The following ZDHHC17 variants were observed in gnomAD, a reference collection of about 807,000 sequenced individuals.
The protein encoded by ZDHHC17 is zDHHC palmitoyltransferase 17.
Under a neutral mutation model 90.3 loss-of-function variants are expected in ZDHHC17, and 40 were observed. The observed-to-expected ratio is 0.44, with a 90% CI of 0.34 to 0.58. The LOEUF is 0.58. Ranked by LOEUF, ZDHHC17 falls within the 20% of genes least tolerant of loss-of-function variation. ZDHHC17 has a pLI of 0.01. For missense variants in ZDHHC17, 614 were observed against 780.8 expected (o/e 0.79, Z 2.55); for synonymous variants, 235 against 252.4 (o/e 0.93, Z 0.65).
intron 8 of ZDHHC17, 95 bp from the exon 9 acceptor site, chr12:76,826,813 A>G (rs1451100363): frequency 1.2e-5 from 15 of 1,280,152 alleles, no homozygotes; most frequent in Non-Finnish European, 1.6e-5. Context: ...AATGAATTTC[A>G]CCCGCTGTTG....
rs1953081369 is a variant in ZDHHC17, at chr12:76,815,853, T to C, written c.609-4T>C. On this transcript the variant is annotated splice_polypyrimidine_tract_variant and splice_region_variant and intron_variant, in intron 6 of 16. Transcript: ENST00000426126. ...TGTTTGTTTTTTTTTTTTTTCCTTT[T>C]CAGTGTGGATCCAACTAGATTGCTT... 6.7e-7 allele frequency: 1 copy of C among 1,491,094 alleles called. No homozygotes were observed. Among genetic ancestry groups the C allele is most frequent in the African/African-American group, 1.4e-5 (1 of 69,856 alleles). 92.4% of individuals were successfully genotyped at this position (1,491,094 alleles called of 1,614,324 possible).
At chr12:76,835,244 T>C (rs1953349617) in intron 10 of ZDHHC17, among the ~76,000 whole-genome samples, 1 of 137,980 alleles carries the variant, frequency 7.2e-6, no homozygotes, top group African/African-American at 2.7e-5. Flanking sequence ...AGAAAAGGGG[T>C]TTTACCATGT....
rs1478614819 is a variant in ZDHHC17 at position 76,852,409 on chromosome 12, G to A, written c.*1424G>A. ...ATCAAATAGTTTTCTCTTTGTGTCT[G>A]TGTTAGTGTTTTTAAAGCTGCTCAT... On this transcript the variant is annotated 3_prime_UTR_variant, in exon 17 of 17. Coordinates refer to ENST00000426126, the MANE Select transcript of ZDHHC17 (RefSeq NM_015336.4). 1 of 152,612 alleles carries A rather than the reference G, an allele frequency of 6.6e-6. No individual in the cohort carries two copies. The highest frequency in any genetic ancestry group is 1.5e-5 in the Non-Finnish European group (1 of 68,026). The allele number at this position is 152,612 out of a possible 1,614,324, so 9.5% of individuals were successfully genotyped here.
chr12:76,772,133 A>G (rs1251391609), intron 1 of ZDHHC17, among the ~76,000 whole-genome samples: 1 of 152,228 alleles, frequency 6.6e-6, no homozygotes, highest in Non-Finnish European at 1.5e-5. Context: ...TATTTTACAA[A>G]TGAGGAAACA....
intron 1 of ZDHHC17, among the ~76,000 whole-genome samples, chr12:76,792,309 G>A (rs1281939826): frequency 6.6e-6 from 1 of 152,058 alleles, no homozygotes; most frequent in Non-Finnish European, 1.5e-5. Flanking sequence ...GGACAAAGAC[G>A]GATTACACTT....
intron 5 of ZDHHC17, among the ~76,000 whole-genome samples, chr12:76,814,347 A>G (rs974989734): frequency 1.3e-5 from 2 of 151,984 alleles, no homozygotes; most frequent in African/African-American, 4.8e-5. Flanking sequence ...GGTTTATTAC[A>G]TGGTTTGGCT....
intron 15 of ZDHHC17, among the ~76,000 whole-genome samples, chr12:76,849,040 C>T (rs888716895): frequency 1.4e-5 from 2 of 141,216 alleles, no homozygotes; most frequent in Non-Finnish European, 3.0e-5. Context: ...AATCCCAGCA[C>T]TTGGAAGCCG....
intron 5 of ZDHHC17, 38 bp from the exon 6 acceptor site, chr12:76,815,108 A>G (rs779803254): frequency 1.3e-6 from 2 of 1,486,978 alleles, no homozygotes; most frequent in Non-Finnish European, 1.8e-6. Flanking sequence ...GGAACTTATA[A>G]TTTAACTGTC....
At chr12:76,827,200 A>T in intron 9 of ZDHHC17, 150 bp downstream of exon 9, 1 of 940,378 alleles carries the variant, frequency 1.1e-6, no homozygotes, top group Non-Finnish European at 1.4e-6. Flanking sequence ...GAGATTTTTT[A>T]AACATTGTTA....
intron 10 of ZDHHC17, among the ~76,000 whole-genome samples, chr12:76,841,442 T>C (rs1953433345): frequency 6.6e-6 from 1 of 152,186 alleles, no homozygotes; most frequent in Admixed American, 6.5e-5. Flanking sequence ...TTACTTGTGT[T>C]TATAAATGCC....
intron 8 of ZDHHC17, among the ~76,000 whole-genome samples, chr12:76,823,599 G>A (rs1592488784): frequency 1.3e-5 from 2 of 152,124 alleles, no homozygotes; most frequent in African/African-American, 2.4e-5. Context: ...ACCATCTTTT[G>A]TATATCGTGT....
chr12:76,816,716 A>G (rs1221286967), intron 7 of ZDHHC17, among the ~76,000 whole-genome samples: 2 of 152,114 alleles, frequency 1.3e-5, no homozygotes, highest in Middle Eastern at 3.4e-3. Context: ...TTATGTTCCA[A>G]GGAATAGTTT....
chr12:76,828,573 T>C, intron 10 of ZDHHC17, 83 bp downstream of exon 10: 1 of 1,159,338 alleles, frequency 8.6e-7, no homozygotes, highest in South Asian at 1.4e-5. Context: ...ACATTAGGAC[T>C]GATCTACTCA....
Position 76,850,904 on chromosome 12 carries a change from T to G in ZDHHC17, c.1818T>G (p.Phe606Leu), listed in dbSNP as rs1184257532. ...DFFEFRCCGL[F>L]RPVIVDWTRQ... ...TTGAATTTCGATGCTGTGGCCTCTT[T>G]CGTCCTGTTATCGTGGACTGGACCA... Residue 606 changes from phenylalanine to leucine, a missense_variant, in exon 17 of 17, where the codon TTT becomes TTG. Physicochemically the swap from Phe to Leu is conservative, Grantham distance 22. This residue lies in a region of ZDHHC17 where 111 missense variants were observed against 179.8 expected (regional missense o/e 0.62). Transcript: ENST00000426126. The G allele has an allele frequency of 6.2e-7, 1 of 1,614,018 alleles. No individual in the cohort carries two copies. The highest frequency in any genetic ancestry group is 2.2e-5 in the East Asian group (1 of 44,880).
chr12:76,845,704 A>G lies in ZDHHC17; in HGVS notation c.1330-5A>G. On this transcript the variant is annotated splice_polypyrimidine_tract_variant and splice_region_variant and intron_variant, in intron 12 of 16. Coordinates refer to ENST00000426126, the MANE Select transcript of ZDHHC17 (RefSeq NM_015336.4). ...TTCATAATCCTTTAACATGCCTATT[A>G]ACAGATACGAAAACCGGTGAGGTCC... 6.3e-7 allele frequency: 1 copy of G among 1,580,782 alleles called. No homozygotes were observed. Among genetic ancestry groups the G allele is most frequent in the Non-Finnish European group, 8.7e-7 (1 of 1,154,248 alleles).
chr12:76,771,250 C>A (rs1952488846), intron 1 of ZDHHC17, among the ~76,000 whole-genome samples: 1 of 152,128 alleles, frequency 6.6e-6, no homozygotes, highest in Non-Finnish European at 1.5e-5. Context: ...GAGCCACAGG[C>A]AGCTAATTTG....
intron 10 of ZDHHC17, among the ~76,000 whole-genome samples, chr12:76,833,113 T>G (rs902198836): frequency 6.6e-6 from 1 of 152,176 alleles, no homozygotes; most frequent in African/African-American, 2.4e-5. Flanking sequence ...TGTAAACTGT[T>G]TGTTCTAGTA....
chr12:76,825,637 G>A (rs1053821204), intron 8 of ZDHHC17, among the ~76,000 whole-genome samples: 1 of 151,394 alleles, frequency 6.6e-6, no homozygotes, highest in Non-Finnish European at 1.5e-5. Context: ...TTCAGAAAAT[G>A]AATTACAGTG....
chr12:76,772,120 A>T (rs1178729141), intron 1 of ZDHHC17, among the ~76,000 whole-genome samples: 2 of 152,180 alleles, frequency 1.3e-5, no homozygotes, highest in African/African-American at 4.8e-5. Flanking sequence ...AGCTTTTTAT[A>T]CCTATTTTAC....
Sources: allele counts gnomAD v4.1 joint callset (sites outside exome capture counted in the v4.1 genomes callset), GRCh38; gene constraint gnomAD v4.1.1; regional missense constraint gnomAD v4.1.1; transcripts MANE v1.5; gene names NCBI Gene and HGNC (gene_info 2026-07-23, HGNC 2026-07-21).